TRAPPC9: variants seen among roughly 807,000 people sequenced by gnomAD.
The protein encoded by TRAPPC9 is IKK2 binding protein.
A neutral mutation model predicts 124.0 loss-of-function variants in TRAPPC9; 83 were observed. The ratio of observed to expected loss-of-function variants is 0.67; its 90% CI spans 0.56 to 0.80. TRAPPC9 has a LOEUF of 0.80. Among genes scored for constraint, TRAPPC9 ranks in the 30% least tolerant of loss-of-function variants. The pLI is 0.00. For synonymous variants in TRAPPC9, 638 were observed against 617.5 expected (o/e 1.03, Z -0.49); for missense variants, 1,302 against 1,508.3 (o/e 0.86, Z 2.27).
chr8:140,440,972 CTTTTTTTT>C (rs60379205), intron 2 of TRAPPC9, among the ~76,000 whole-genome samples: 3 of 80,302 alleles, frequency 3.7e-5, no homozygotes, highest in Admixed American at 1.7e-4. Flanking sequence ...AACACTGTTA[CTTTTTTTT>C]TTTTTTTTTT....
At position 139,819,779 on chromosome 8, in the gene TRAPPC9, C is replaced by T. The variant is rs150196534; in HGVS notation, c.3055+66100G>A. Among the ~76,000 whole-genome samples the T allele has an allele frequency of 4.3e-3, 653 of 151,994 alleles. 2 individuals are homozygous for T. The highest frequency in any genetic ancestry group is 7.3e-3 in the Non-Finnish European group (495 of 67,964). The stretch of plus-strand genomic sequence containing the variant: ...CTGTAATCCCAATACTTTGGGAAGC[C>T]GAGATGGGTGGATCATGAGGTCAGG... On this transcript the variant is annotated intron_variant, in intron 21 of 22. Transcript: ENST00000438773.
intron 20 of TRAPPC9, among the ~76,000 whole-genome samples, chr8:139,899,202 G>A (rs1027893396): frequency 1.3e-5 from 2 of 151,652 alleles, no homozygotes; most frequent in African/African-American, 2.4e-5. Context: ...GAACAGCATG[G>A]GGTCAGGGGT....
intron 9 of TRAPPC9, among the ~76,000 whole-genome samples, chr8:140,318,160 C>T (rs1456827536): frequency 2.6e-5 from 4 of 152,148 alleles, no homozygotes; most frequent in Non-Finnish European, 5.9e-5. Context: ...TTGATAACCA[C>T]TGAATCCGGG....
At chr8:140,354,733 A>C (rs2067687022) in intron 9 of TRAPPC9, among the ~76,000 whole-genome samples, 1 of 152,334 alleles carries the variant, frequency 6.6e-6, no homozygotes, top group South Asian at 2.1e-4. Flanking sequence ...TAGCACCATG[A>C]GCTCTTCAGC....
chr8:140,308,613 T>C (rs2131866858), intron 10 of TRAPPC9, among the ~76,000 whole-genome samples: 1 of 152,296 alleles, frequency 6.6e-6, no homozygotes, highest in South Asian at 2.1e-4. Context: ...CCAGGCATAG[T>C]GGCTCACGCC....
chr8:139,858,972 C>T (rs548891931), intron 21 of TRAPPC9, among the ~76,000 whole-genome samples: 1 of 149,614 alleles, frequency 6.7e-6, no homozygotes, highest in African/African-American at 2.5e-5. Flanking sequence ...TGAAATTGGG[C>T]CCCGAGTTTC....
intron 16 of TRAPPC9, among the ~76,000 whole-genome samples, chr8:140,244,156 G>A (rs1236407726): frequency 1.3e-5 from 2 of 152,232 alleles, no homozygotes; most frequent in African/African-American, 4.8e-5. Context: ...GTGCCAAAGA[G>A]GTTGGGGACC....
chr8:140,133,145 C>T (rs556850118), intron 17 of TRAPPC9, among the ~76,000 whole-genome samples: 17 of 152,246 alleles, frequency 1.1e-4, no homozygotes, highest in Admixed American at 7.8e-4. Flanking sequence ...TGATGGATAC[C>T]GATGCAAAAC....
chr8:140,372,366 C>G (rs2068307334), intron 7 of TRAPPC9, among the ~76,000 whole-genome samples: 1 of 152,206 alleles, frequency 6.6e-6, no homozygotes, highest in Non-Finnish European at 1.5e-5. Context: ...CCTCCAAACC[C>G]TCCCTCCATC....
chr8:139,736,590 T>C (rs1177420992), intron 21 of TRAPPC9, among the ~76,000 whole-genome samples: 1 of 152,192 alleles, frequency 6.6e-6, no homozygotes, highest in Non-Finnish European at 1.5e-5. Context: ...AGCATTAAGC[T>C]TCCTGAATTC....
chr8:140,147,559 T>G (rs1368926318), intron 17 of TRAPPC9, among the ~76,000 whole-genome samples: 1 of 152,212 alleles, frequency 6.6e-6, no homozygotes, highest in Non-Finnish European at 1.5e-5. Flanking sequence ...CATGGATAAC[T>G]TCAGCGCAAG....
chr8:140,360,236 G>C, intron 8 of TRAPPC9, 43 bp from the exon 9 acceptor site: 1 of 1,613,036 alleles, frequency 6.2e-7, no homozygotes, highest in Non-Finnish European at 8.5e-7. Flanking sequence ...GCTTGGAGAG[G>C]GTACAGGAAA....
rs371720702 is a variant in TRAPPC9, at chr8:140,232,983, T to C, written c.2432-11400A>G. On this transcript the variant is annotated intron_variant, in intron 16 of 22. Coordinates refer to ENST00000438773, the MANE Select transcript of TRAPPC9 (RefSeq NM_001160372.4). ...CAAAGTATAATCTGAGTGTTTCGTG[T>C]GTTCTTCACAGTTGTACCAAAGCAC... 2.6e-5 allele frequency among the ~76,000 whole-genome samples: 4 copies of C among 152,320 alleles called. No individual in the cohort carries two copies. In the East Asian group the frequency reaches 5.8e-4, roughly 22 times the overall value.
chr8:140,072,391 G>T (rs1177946287), intron 17 of TRAPPC9, among the ~76,000 whole-genome samples: 2 of 152,172 alleles, frequency 1.3e-5, no homozygotes, highest in East Asian at 3.9e-4. Flanking sequence ...AATTAGCCAG[G>T]TGTGGTGGCA....
intron 17 of TRAPPC9, among the ~76,000 whole-genome samples, chr8:140,031,787 G>A (rs1346173956): frequency 1.3e-5 from 2 of 152,154 alleles, no homozygotes; most frequent in Non-Finnish European, 2.9e-5. Context: ...GTGCAGGGAT[G>A]GGTTTGAACA....
At chr8:140,279,651 G>T (rs1011346760) in intron 14 of TRAPPC9, among the ~76,000 whole-genome samples, 6 of 152,124 alleles carry the variant, frequency 3.9e-5, no homozygotes, top group Non-Finnish European at 7.4e-5. Context: ...AGCACATCTT[G>T]TTGAGAGGTA....
At chr8:140,424,241 C>G (rs1001786657) in intron 5 of TRAPPC9, among the ~76,000 whole-genome samples, 1 of 151,782 alleles carries the variant, frequency 6.6e-6, no homozygotes, top group Non-Finnish European at 1.5e-5. Context: ...AAGAAACTCT[C>G]CTCCACATGA....
intron 17 of TRAPPC9, among the ~76,000 whole-genome samples, chr8:140,188,037 AT>A (rs563896616): frequency 4.9e-4 from 75 of 152,076 alleles, no homozygotes; most frequent in African/African-American, 1.8e-3. Context: ...GGCTCTTCTC[AT>A]TTTTCCAGTT....
chr8:140,443,669 G>A (rs1297695597), intron 2 of TRAPPC9, among the ~76,000 whole-genome samples: 2 of 152,158 alleles, frequency 1.3e-5, no homozygotes, highest in Non-Finnish European at 2.9e-5. Flanking sequence ...GGGAAGCCGA[G>A]GCAGGCAGAT....
Sources: gnomAD v4.1 joint callset for allele counts (sites outside exome capture counted in the v4.1 genomes callset) on GRCh38, gnomAD v4.1.1 for gene constraint, MANE v1.5 for transcripts, NCBI Gene and HGNC (gene_info 2026-07-23, HGNC 2026-07-21) for gene names.